Variants in IQCJ observed in about 807,000 individuals in gnomAD.
IQCJ encodes the protein IQ motif containing J, also known as IQ domain-containing protein J.
A neutral mutation model predicts 11.0 loss-of-function variants in IQCJ; 9 were observed. The ratio of observed to expected loss-of-function variants is 0.82; its 90% CI spans 0.49 to 1.43. The LOEUF is 1.43. IQCJ is among the 40% of genes most tolerant of loss of function. IQCJ has a pLI of 0.00. For synonymous variants in IQCJ, 55 were observed against 51.3 expected (o/e 1.07, Z -0.31); for missense variants, 146 against 133.2 (o/e 1.10, Z -0.47).
At chr3:159,203,751 C>A (rs1270004214) in intron 1 of IQCJ, among the ~76,000 whole-genome samples, 3 of 152,078 alleles carry the variant, frequency 2.0e-5, no homozygotes. Context: ...CCTCTGAGGG[C>A]AGGTCACCAA....
chr3:159,082,255 A>G (rs1441701379), intron 1 of IQCJ, among the ~76,000 whole-genome samples: 1 of 152,140 alleles, frequency 6.6e-6, no homozygotes, highest in East Asian at 1.9e-4. Context: ...TATAACATCA[A>G]TAACAAATGT....
rs73031430 is a variant in IQCJ, at chr3:159,245,746, G to A, written c.10-97G>A. 8,072 of 1,054,726 alleles carry A rather than the reference G, an allele frequency of 7.7e-3. 467 individuals are homozygous for A. The African/African-American group carries it at 0.12, about 15-fold the overall frequency. 65.3% of individuals were successfully genotyped at this position (1,054,726 alleles called of 1,614,324 possible). ...CAAAGTGCAGTCCAGAACTCTTAAT[G>A]TTGTGTTGTATCAATTTTGCTAACA... On this transcript the variant is annotated intron_variant, in intron 1 of 3. Coordinates refer to ENST00000397832, the MANE Select transcript of IQCJ (RefSeq NM_001042706.3).
At chr3:159,142,271 A>G (rs1720646095) in intron 1 of IQCJ, among the ~76,000 whole-genome samples, 2 of 152,218 alleles carry the variant, frequency 1.3e-5, no homozygotes, top group African/African-American at 2.4e-5. Flanking sequence ...AGGATTGTTC[A>G]GAGGCAAAAA....
chr3:159,176,139 T>C (rs577388321), intron 1 of IQCJ, among the ~76,000 whole-genome samples: 1 of 152,324 alleles, frequency 6.6e-6, no homozygotes, highest in East Asian at 1.9e-4. Context: ...CTGCTTGTTT[T>C]CTTAATATTC....
chr3:159,166,645 A>C (rs997712700), intron 1 of IQCJ, among the ~76,000 whole-genome samples: 33 of 152,198 alleles, frequency 2.2e-4, no homozygotes, highest in Admixed American at 2.1e-3. Context: ...AGCAGTGTGC[A>C]TTCGGGAGCA....
At chr3:159,182,330 G>C (rs1382790513) in intron 1 of IQCJ, among the ~76,000 whole-genome samples, 1 of 151,874 alleles carries the variant, frequency 6.6e-6, no homozygotes, top group Non-Finnish European at 1.5e-5. Context: ...CTCCACATGG[G>C]AGCTCTGAAA....
rs73029447 is a variant in IQCJ, at chr3:159,212,867, T to C, written c.10-32976T>C. Among the ~76,000 whole-genome samples the C allele has an allele frequency of 2.7e-3, 415 of 152,386 alleles. 5 individuals carry two copies. The highest frequency in any genetic ancestry group is 9.4e-3 in the African/African-American group (392 of 41,586). ...TCCTCAACCACTAAAACCTGACTTT[T>C]GCCCTCAGTATATGACTAGACTGGA... On this transcript the variant is annotated intron_variant, in intron 1 of 3. Coordinates refer to ENST00000397832, the MANE Select transcript of IQCJ (RefSeq NM_001042706.3).
At chr3:159,193,052 C>A (rs573704331) in intron 1 of IQCJ, among the ~76,000 whole-genome samples, 5 of 152,134 alleles carry the variant, frequency 3.3e-5, no homozygotes, top group African/African-American at 1.2e-4. Flanking sequence ...GCAACCCAGA[C>A]GGTCATCTCT....
At chr3:159,164,565 C>T (rs1297553398) in intron 1 of IQCJ, among the ~76,000 whole-genome samples, 4 of 152,104 alleles carry the variant, frequency 2.6e-5, no homozygotes, top group Non-Finnish European at 5.9e-5. Flanking sequence ...GTCAGGAGTT[C>T]GAGACCAGCC....
chr3:159,246,084 G>T (rs751181370), intron 2 of IQCJ, among the ~76,000 whole-genome samples, 177 bp downstream of exon 2: 7 of 152,172 alleles, frequency 4.6e-5, no homozygotes, highest in Non-Finnish European at 1.0e-4. Flanking sequence ...GACTAGTTGA[G>T]CAATGAAAAA....
chr3:159,207,681 G>GA (rs1724731100), intron 1 of IQCJ, among the ~76,000 whole-genome samples: 1 of 152,172 alleles, frequency 6.6e-6, no homozygotes, highest in Admixed American at 6.5e-5. Context: ...GATAAAAAGG[G>GA]AAGTTCAGTG....
In IQCJ at chr3:159,256,081, C is replaced by T. The variant is rs545670585; in HGVS notation, c.155+3274C>T. Among the ~76,000 whole-genome samples the T allele has an allele frequency of 4.6e-5, 7 of 152,324 alleles. No homozygotes were observed. In the East Asian group the frequency reaches 1.2e-3, roughly 25 times the overall value. Reference sequence around the variant, plus strand: ...GCTGCCCTCCACCTTGTAATTCACTCTTTTCATGTTGTAGCAAGATCTAAA... The same window carrying T: ...GCTGCCCTCCACCTTGTAATTCACTTTTTTCATGTTGTAGCAAGATCTAAA... On this transcript the variant is annotated intron_variant, in intron 3 of 3. Coordinates refer to ENST00000397832, the MANE Select transcript of IQCJ (RefSeq NM_001042706.3).
chr3:159,219,081 C>A (rs2108113208), intron 1 of IQCJ, among the ~76,000 whole-genome samples: 1 of 152,220 alleles, frequency 6.6e-6, no homozygotes, highest in Middle Eastern at 3.4e-3. Context: ...ATCTCACGAT[C>A]TCAAAATCCT....
chr3:159,156,384 G>A (rs1220578332), intron 1 of IQCJ, among the ~76,000 whole-genome samples: 2 of 152,200 alleles, frequency 1.3e-5, no homozygotes, highest in Non-Finnish European at 2.9e-5. Context: ...GGCCATGTAT[G>A]ACTCCTGAGG....
intron 1 of IQCJ, among the ~76,000 whole-genome samples, chr3:159,196,329 T>C (rs752440887): frequency 6.6e-6 from 1 of 152,258 alleles, no homozygotes; most frequent in African/African-American, 2.4e-5. Context: ...TTTTAATGGA[T>C]GGAGCCCATT....
chr3:159,073,219 G>T (rs1715697918), intron 1 of IQCJ, among the ~76,000 whole-genome samples: 1 of 152,102 alleles, frequency 6.6e-6, no homozygotes, highest in African/African-American at 2.4e-5. Context: ...GAAAGAGCAT[G>T]GCTGTGGCTT....
At chr3:159,222,849 T>C (rs1043474915) in intron 1 of IQCJ, among the ~76,000 whole-genome samples, 4 of 152,080 alleles carry the variant, frequency 2.6e-5, no homozygotes, top group Non-Finnish European at 5.9e-5. Flanking sequence ...CAGCGACCTC[T>C]GTATGTACCT....
chr3:159,259,655 G>A (rs146672554), intron 3 of IQCJ, among the ~76,000 whole-genome samples: 4 of 152,158 alleles, frequency 2.6e-5, no homozygotes, highest in Admixed American at 2.6e-4. Flanking sequence ...TGTAGGAATC[G>A]CCAAGGGGAG....
chr3:159,082,095 C>T (rs999428213), intron 1 of IQCJ, among the ~76,000 whole-genome samples: 3 of 151,980 alleles, frequency 2.0e-5, no homozygotes, highest in African/African-American at 7.2e-5. Context: ...AAATGTTCAT[C>T]AAAATCTATG....
Sources: allele counts gnomAD v4.1 joint callset (sites outside exome capture counted in the v4.1 genomes callset), GRCh38; gene constraint gnomAD v4.1.1; transcripts MANE v1.5; gene names NCBI Gene and HGNC (gene_info 2026-07-23, HGNC 2026-07-21).